Variants in CLDN10 observed in about 807,000 individuals in gnomAD.
CLDN10 encodes the protein claudin-10.
CLDN10 carries 15 observed loss-of-function variants against 22.9 expected under a neutral mutation model. The ratio of observed to expected loss-of-function variants is 0.65; its 90% CI spans 0.44 to 1.01. The LOEUF (loss-of-function observed/expected upper bound fraction) is 1.01. CLDN10 is among the 50% of genes least tolerant of loss of function. The probability of loss-of-function intolerance (pLI) is 0.00; values close to 1 mark genes in which losing one functional copy is unlikely to be tolerated. For missense variants in CLDN10, 247 were observed against 287.8 expected, an observed-to-expected ratio of 0.86 and a Z score of 1.03; for synonymous variants, 114 against 111.4, an observed-to-expected ratio of 1.02 and a Z score of -0.15.
At chr13:95,509,402 G>T (rs2043072196) in intron 1 of CLDN10, among the ~76,000 whole-genome samples, 1 of 152,126 alleles carries the variant, frequency 6.6e-6, no homozygotes, top group African/African-American at 2.4e-5. Flanking sequence ...GAAATTGGCT[G>T]GGGGTCAGGT....
chr13:95,497,689 C>G (rs2042943210), intron 1 of CLDN10, among the ~76,000 whole-genome samples: 1 of 152,194 alleles, frequency 6.6e-6, no homozygotes. Context: ...TAAGTGGTCC[C>G]TTTATGTAAC....
intron 1 of CLDN10, among the ~76,000 whole-genome samples, chr13:95,490,571 G>T (rs995510744): frequency 6.6e-6 from 1 of 152,138 alleles, no homozygotes; most frequent in Non-Finnish European, 1.5e-5. Context: ...GTATTTGCAT[G>T]GTTTTGAAGG....
At chr13:95,556,429 C>T (rs2043640592) in intron 1 of CLDN10, among the ~76,000 whole-genome samples, 1 of 152,138 alleles carries the variant, frequency 6.6e-6, no homozygotes, top group South Asian at 2.1e-4. Flanking sequence ...AAAAATGAGG[C>T]CTAGCAAAGC....
chr13:95,483,821 T>A (rs1469231507), intron 1 of CLDN10, among the ~76,000 whole-genome samples: 1 of 152,164 alleles, frequency 6.6e-6, no homozygotes. Flanking sequence ...GTCTGAATAT[T>A]TGTGTCCCTC....
intron 1 of CLDN10, among the ~76,000 whole-genome samples, chr13:95,440,434 G>C (rs543057455): frequency 1.3e-5 from 2 of 152,310 alleles, no homozygotes; most frequent in East Asian, 3.9e-4. Flanking sequence ...CCAGCACTTG[G>C]GGAGGCTGAA....
chr13:95,446,154 A>T (rs980501878), intron 1 of CLDN10, among the ~76,000 whole-genome samples: 1 of 152,158 alleles, frequency 6.6e-6, no homozygotes, highest in African/African-American at 2.4e-5. Context: ...CCGCAATGGG[A>T]CAGGCTGTCT....
intron 1 of CLDN10, among the ~76,000 whole-genome samples, chr13:95,436,594 T>A (rs533979450): frequency 1.3e-5 from 2 of 152,348 alleles, no homozygotes; most frequent in South Asian, 4.1e-4. Flanking sequence ...CCACTGACAA[T>A]GCTTCCCTAA....
chr13:95,559,865 G>A (rs1253570514), intron 1 of CLDN10, among the ~76,000 whole-genome samples: 1 of 152,176 alleles, frequency 6.6e-6, no homozygotes, highest in Non-Finnish European at 1.5e-5. Context: ...ACCTTTGTGT[G>A]CCTCAGTTTC....
At position 95,520,665 on chromosome 13, in the gene CLDN10, G is replaced by A. The variant is rs543738605; in HGVS notation, c.215-39467G>A. On this transcript the variant is annotated intron_variant, in intron 1 of 4. Transcript: ENST00000376873. ...TGGAATTACAGGCATGAGTTACAGC[G>A]CCTGGACAAGTTCATGTTTTAAATT... Among the ~76,000 whole-genome samples, 137 of 152,240 alleles carry A rather than the reference G, an allele frequency of 9.0e-4. 1 individual carries two copies. Among genetic ancestry groups the A allele is most frequent in the Middle Eastern group, 6.8e-3 (2 of 294 alleles).
intron 3 of CLDN10, among the ~76,000 whole-genome samples, chr13:95,565,215 G>C (rs1327728138): frequency 6.6e-6 from 1 of 151,462 alleles, no homozygotes; most frequent in Non-Finnish European, 1.5e-5. Flanking sequence ...ATTTAATTAC[G>C]TTATTCCCAC....
chr13:95,520,133 T>C (rs2043210021), intron 1 of CLDN10, among the ~76,000 whole-genome samples: 1 of 152,202 alleles, frequency 6.6e-6, no homozygotes, highest in African/African-American at 2.4e-5. Flanking sequence ...CCCCACCATA[T>C]TAACCCTAAC....
chr13:95,466,095 TTTAC>T (rs1370366830), intron 1 of CLDN10, among the ~76,000 whole-genome samples: 2 of 151,812 alleles, frequency 1.3e-5, no homozygotes, highest in African/African-American at 4.8e-5. Flanking sequence ...CCACTATTTA[TTTAC>T]TTTACTATTA....
intron 3 of CLDN10, among the ~76,000 whole-genome samples, chr13:95,564,239 T>G (rs1339125046): frequency 6.6e-6 from 1 of 152,182 alleles, no homozygotes; most frequent in Admixed American, 6.5e-5. Context: ...TACCTAGAAG[T>G]GAAATTCTTA....
chr13:95,525,529 A>G (rs1488052022), intron 1 of CLDN10, among the ~76,000 whole-genome samples: 2 of 151,784 alleles, frequency 1.3e-5, no homozygotes, highest in African/African-American at 2.4e-5. Flanking sequence ...GTCTTGCTCT[A>G]TCGCCCAGGC....
chr13:95,525,614 C>G (rs2043272336), intron 1 of CLDN10, among the ~76,000 whole-genome samples: 1 of 152,126 alleles, frequency 6.6e-6, no homozygotes, highest in African/African-American at 2.4e-5. Flanking sequence ...GCCTTAGCCT[C>G]CAAAGTAGCT....
intron 1 of CLDN10, among the ~76,000 whole-genome samples, chr13:95,448,864 C>G (rs1419521754): frequency 6.6e-6 from 1 of 151,860 alleles, no homozygotes; most frequent in Non-Finnish European, 1.5e-5. Flanking sequence ...CTCAGCCTCC[C>G]AAGTAGCTGG....
intron 3 of CLDN10, chr13:95,561,005 G>A (rs1331680703): frequency 6.5e-6 from 1 of 153,206 alleles, no homozygotes; most frequent in Non-Finnish European, 1.5e-5. Context: ...AATGTGGCTG[G>A]TCAGTCTTGC....
At chr13:95,455,228 C>T (rs1288943447) in intron 1 of CLDN10, among the ~76,000 whole-genome samples, 1 of 151,880 alleles carries the variant, frequency 6.6e-6, no homozygotes, top group Non-Finnish European at 1.5e-5. Flanking sequence ...TTAAAATTCT[C>T]TTCCTGCAGC....
chr13:95,560,587 G>A, intron 3 of CLDN10, 124 bp downstream of exon 3: 1 of 713,852 alleles, frequency 1.4e-6, no homozygotes, highest in Non-Finnish European at 2.3e-6. Flanking sequence ...AATGGTAACT[G>A]ATGACATCAT....
Sources: allele counts gnomAD v4.1 joint callset (sites outside exome capture counted in the v4.1 genomes callset), GRCh38; gene constraint gnomAD v4.1.1; transcripts MANE v1.5; gene names NCBI Gene and HGNC (gene_info 2026-07-23, HGNC 2026-07-21).